Variants in FHIP1A observed in about 807,000 individuals in gnomAD.
FHIP1A encodes the protein FHF complex subunit HOOK-interacting protein 1A.
In FHIP1A, 61 loss-of-function variants were observed where a neutral mutation model predicts 88.6. The ratio of observed to expected loss-of-function variants is 0.69; its 90% CI spans 0.56 to 0.85. The LOEUF (loss-of-function observed/expected upper bound fraction) is 0.85. Ranked by LOEUF, FHIP1A falls within the 40% of genes least tolerant of loss-of-function variation. The pLI is 0.00. For missense variants in FHIP1A, 1,154 were observed against 1,273.5 expected (o/e 0.91, Z 1.43); for synonymous variants, 478 against 496.0 (o/e 0.96, Z 0.48).
intron 3 of FHIP1A, among the ~76,000 whole-genome samples, chr4:151,555,484 G>A (rs1482555104): frequency 6.6e-6 from 1 of 152,084 alleles, no homozygotes; most frequent in Non-Finnish European, 1.5e-5. Flanking sequence ...TGAAACAAGA[G>A]TATCTGATTT....
At chr4:151,519,429 T>C (rs1373580400) in intron 3 of FHIP1A, among the ~76,000 whole-genome samples, 1 of 152,168 alleles carries the variant, frequency 6.6e-6, no homozygotes, top group African/African-American at 2.4e-5. Context: ...TTTTTTTTTA[T>C]TGCTGAGTAC....
intron 7 of FHIP1A, among the ~76,000 whole-genome samples, chr4:151,626,681 A>G (rs925600862): frequency 6.6e-6 from 1 of 152,222 alleles, no homozygotes; most frequent in African/African-American, 2.4e-5. Flanking sequence ...TAGTATTTCT[A>G]TGTAAATTCG....
intron 1 of FHIP1A, among the ~76,000 whole-genome samples, chr4:151,419,423 T>A (rs1421210609): frequency 1.3e-5 from 2 of 152,162 alleles, no homozygotes; most frequent in Non-Finnish European, 2.9e-5. Flanking sequence ...CACTTCCTTA[T>A]AATAAGTCTC....
intron 7 of FHIP1A, among the ~76,000 whole-genome samples, chr4:151,620,166 C>A (rs1176425301): frequency 1.3e-5 from 2 of 152,196 alleles, no homozygotes; most frequent in East Asian, 3.8e-4. Flanking sequence ...AGGGCCACTG[C>A]ATAGAGTTGG....
At chr4:151,450,783 C>T (rs1728763835) in intron 1 of FHIP1A, among the ~76,000 whole-genome samples, 1 of 148,804 alleles carries the variant, frequency 6.7e-6, no homozygotes. Flanking sequence ...TTTATCTCGT[C>T]TTTTTTTTTT....
At chr4:151,526,783 C>T (rs1211546929) in intron 3 of FHIP1A, among the ~76,000 whole-genome samples, 1 of 149,584 alleles carries the variant, frequency 6.7e-6, no homozygotes, top group Non-Finnish European at 1.5e-5. Flanking sequence ...GGCTGCCGGG[C>T]GGAGGGGCTC....
intron 1 of FHIP1A, among the ~76,000 whole-genome samples, chr4:151,421,632 G>C (rs1733168841): frequency 6.6e-6 from 1 of 152,046 alleles, no homozygotes; most frequent in Non-Finnish European, 1.5e-5. Context: ...TTGTTGAATT[G>C]AGTTGGGGTT....
At chr4:151,471,467 T>G (rs1729510740) in intron 2 of FHIP1A, among the ~76,000 whole-genome samples, 1 of 152,064 alleles carries the variant, frequency 6.6e-6, no homozygotes, top group African/African-American at 2.4e-5. Context: ...TCAGCAGACC[T>G]AGAAGCCATA....
At chr4:151,655,519 G>A (rs991036611) in intron 11 of FHIP1A, among the ~76,000 whole-genome samples, 5 of 152,038 alleles carry the variant, frequency 3.3e-5, no homozygotes, top group Admixed American at 6.5e-5. Flanking sequence ...GTGACATGCC[G>A]AACTGTATCT....
chr4:151,616,908 C>G (rs1213628651), intron 7 of FHIP1A, among the ~76,000 whole-genome samples: 1 of 152,144 alleles, frequency 6.6e-6, no homozygotes, highest in South Asian at 2.1e-4. Context: ...CCACCACACC[C>G]AGCTAATTTT....
chr4:151,448,963 G>C (rs2709843), intron 1 of FHIP1A, among the ~76,000 whole-genome samples: 53,464 of 151,888 alleles, frequency 0.35, 10,003 homozygotes, highest in Non-Finnish European at 0.43. Flanking sequence ...TTTTAGTTAG[G>C]TCTTTCTGGT....
chr4:151,650,159 C>T lies in FHIP1A; in HGVS notation c.2118C>T (p.His706=), dbSNP rs1191887659. 6.4e-7 allele frequency: 1 copy of T among 1,551,596 alleles called. No individual in the cohort carries two copies. The highest frequency in any genetic ancestry group is 1.4e-5 in the African/African-American group (1 of 73,044). Residue 706 remains histidine, a synonymous_variant, in exon 11 of 14, where the codon CAC becomes CAT. Transcript: ENST00000435205. The stretch of plus-strand genomic sequence containing the variant: ...ATAGGGACAATTCAGACCCGTTTCA[C>T]AGTGAGCCCAAGGAGCCAAAGCAAG... The part of the protein sequence containing the change: ...EWNRDNSDPF[H]SEPKEPKQER...
chr4:151,560,225 G>A (rs927305674), intron 3 of FHIP1A, among the ~76,000 whole-genome samples: 4 of 152,126 alleles, frequency 2.6e-5, no homozygotes, highest in Non-Finnish European at 4.4e-5. Context: ...CGTTTCAAAA[G>A]GTAAGCATCA....
intron 1 of FHIP1A, among the ~76,000 whole-genome samples, chr4:151,414,307 C>T (rs1393595914): frequency 6.6e-6 from 1 of 151,966 alleles, no homozygotes; most frequent in Admixed American, 6.5e-5. Flanking sequence ...CCCGCCTCGG[C>T]CTCCCAAAGG....
chr4:151,565,326 T>C (rs910731589), intron 3 of FHIP1A, among the ~76,000 whole-genome samples: 6 of 152,184 alleles, frequency 3.9e-5, no homozygotes, highest in African/African-American at 1.4e-4. Flanking sequence ...TCAATTTCTT[T>C]TTTCCCCTAC....
At chr4:151,452,936 G>GTGTA (rs146815842) in intron 1 of FHIP1A, among the ~76,000 whole-genome samples, 6 of 146,122 alleles carry the variant, frequency 4.1e-5, no homozygotes, top group Non-Finnish European at 8.9e-5. Flanking sequence ...ACATTGAAAC[G>GTGTA]TATATATATA....
At chr4:151,624,384 G>A (rs1477353811) in intron 7 of FHIP1A, among the ~76,000 whole-genome samples, 3 of 152,032 alleles carry the variant, frequency 2.0e-5, no homozygotes, top group South Asian at 2.1e-4. Context: ...TGCCTCCCAC[G>A]TGTGCCTCTT....
intron 2 of FHIP1A, among the ~76,000 whole-genome samples, chr4:151,466,561 C>T (rs2126608812): frequency 6.6e-6 from 1 of 152,250 alleles, no homozygotes; most frequent in Non-Finnish European, 1.5e-5. Context: ...GGAGGCATCA[C>T]ACTACCTGAC....
Position 151,441,585 on chromosome 4 carries a change from G to A in FHIP1A, c.-355-13116G>A, listed in dbSNP as rs574682512. On this transcript the variant is annotated intron_variant, in intron 1 of 13. Transcript: ENST00000435205. The stretch of plus-strand genomic sequence containing the variant: ...CATACATACTCTATCTCTTTATGTT[G>A]GCTGTTCTTTCCTCTGCTCAAGCTC... Among the ~76,000 whole-genome samples the A allele has an allele frequency of 2.0e-5, 3 of 152,100 alleles. No individual in the cohort carries two copies. In the East Asian group the frequency reaches 5.8e-4, roughly 29 times the overall value.
Sources: gnomAD v4.1 joint callset for allele counts (sites outside exome capture counted in the v4.1 genomes callset) on GRCh38, gnomAD v4.1.1 for gene constraint, MANE v1.5 for transcripts, NCBI Gene and HGNC (gene_info 2026-07-23, HGNC 2026-07-21) for gene names.